Variants in TMC1 observed in about 807,000 individuals in gnomAD.
TMC1 encodes the protein transmembrane channel like 1.
Under a neutral mutation model 105.8 loss-of-function variants are expected in TMC1, and 84 were observed. The observed-to-expected ratio is 0.79, with a 90% confidence interval of 0.67 to 0.95. The LOEUF (loss-of-function observed/expected upper bound fraction) is 0.95. TMC1 is among the 40% of genes least tolerant of loss of function. The pLI, the probability that TMC1 is intolerant of heterozygous loss-of-function variation, is 0.00. For synonymous variants in TMC1, 315 were observed against 311.5 expected (o/e 1.01, Z -0.12); for missense variants, 817 against 914.1 (o/e 0.89, Z 1.37).
intron 5 of TMC1, among the ~76,000 whole-genome samples, chr9:72,686,358 T>C (rs963323115): frequency 1.3e-5 from 2 of 152,198 alleles, no homozygotes; most frequent in African/African-American, 4.8e-5. Context: ...ATCTCAGACA[T>C]TGTCTGAGAA....
At chr9:72,706,906 C>T (rs1485001499) in intron 8 of TMC1, among the ~76,000 whole-genome samples, 1 of 151,978 alleles carries the variant, frequency 6.6e-6, no homozygotes, top group African/African-American at 2.4e-5. Context: ...TCCTGAGTAG[C>T]TGGGATTACA....
intron 7 of TMC1, among the ~76,000 whole-genome samples, chr9:72,700,012 G>A (rs1290760909): frequency 6.7e-6 from 1 of 148,158 alleles, no homozygotes; most frequent in African/African-American, 2.5e-5. Context: ...CCAGCACTTT[G>A]GGAGGCCGAG....
chr9:72,528,184 T>G (rs1797648032), intron 1 of TMC1, among the ~76,000 whole-genome samples: 1 of 152,166 alleles, frequency 6.6e-6, no homozygotes, highest in African/African-American at 2.4e-5. Flanking sequence ...AGCTAGCTCC[T>G]TCCACCATGT....
intron 11 of TMC1, among the ~76,000 whole-genome samples, chr9:72,754,348 G>A (rs984418630): frequency 1.3e-5 from 2 of 152,128 alleles, no homozygotes; most frequent in Non-Finnish European, 2.9e-5. Context: ...ATTTCCTTGA[G>A]TTCTCTCTCT....
At chr9:72,759,431 C>T (rs1345727216) in intron 12 of TMC1, among the ~76,000 whole-genome samples, 1 of 152,234 alleles carries the variant, frequency 6.6e-6, no homozygotes, top group Admixed American at 6.5e-5. Flanking sequence ...AAACAGCTTA[C>T]TAACTGGCAC....
At chr9:72,748,263 A>G (rs888431345) in intron 10 of TMC1, among the ~76,000 whole-genome samples, 2 of 152,174 alleles carry the variant, frequency 1.3e-5, no homozygotes, top group African/African-American at 4.8e-5. Flanking sequence ...ATGGGAAAAC[A>G]ATAGTTCCCA....
At chr9:72,808,522 A>G (rs1044960290) in intron 18 of TMC1, among the ~76,000 whole-genome samples, 2 of 152,200 alleles carry the variant, frequency 1.3e-5, no homozygotes, top group African/African-American at 2.4e-5. Flanking sequence ...CTCATGGTCT[A>G]TCTCCCTCTG....
intron 5 of TMC1, among the ~76,000 whole-genome samples, chr9:72,654,644 G>C (rs1436294835): frequency 6.6e-6 from 1 of 151,818 alleles, no homozygotes; most frequent in Non-Finnish European, 1.5e-5. Context: ...TGTTGCTATT[G>C]TTTTCATGCA....
At chr9:72,725,894 G>A (rs1271073584) in intron 8 of TMC1, among the ~76,000 whole-genome samples, 2 of 152,006 alleles carry the variant, frequency 1.3e-5, no homozygotes, top group African/African-American at 2.4e-5. Context: ...GTTTCACTGT[G>A]TTAGCCAGGA....
chr9:72,528,589 C>A (rs1823446054), intron 1 of TMC1, among the ~76,000 whole-genome samples: 1 of 152,152 alleles, frequency 6.6e-6, no homozygotes, highest in African/African-American at 2.4e-5. Context: ...CCGCCTCGGC[C>A]TCCCAAAGTG....
At chr9:72,525,816 C>T (rs1041507746) in intron 1 of TMC1, among the ~76,000 whole-genome samples, 3 of 152,134 alleles carry the variant, frequency 2.0e-5, no homozygotes, top group Non-Finnish European at 2.9e-5. Flanking sequence ...GGCAAAACCC[C>T]GTCTCTACTA....
intron 2 of TMC1, among the ~76,000 whole-genome samples, chr9:72,606,414 G>T (rs1187815920): frequency 6.6e-6 from 1 of 152,104 alleles, no homozygotes; most frequent in Non-Finnish European, 1.5e-5. Context: ...ACATTCTGTT[G>T]GTCACACACA....
At position 72,791,908 on chromosome 9, in the gene TMC1, T is replaced by G. The variant is rs1210812299; in HGVS notation, c.1247T>G (p.Leu416Arg). Residue 416 changes from leucine (L) to arginine (R), a missense_variant, in exon 16 of 24, where the codon CTA becomes CGA. By Grantham distance (102) the Leu-to-Arg change is moderately radical. Coordinates refer to ENST00000297784, the MANE Select transcript of TMC1 (RefSeq NM_138691.3). Reference protein sequence around the residue: ...KNEMNMVMSLLGMFCPTLFDL... With the variant: ...KNEMNMVMSLRGMFCPTLFDL... Reference sequence around the variant, plus strand: ...TAGATGAACATGGTTATGTCCCTCCTAGGGATGTTCTGTCCAACATTGTTT... The same window carrying G: ...TAGATGAACATGGTTATGTCCCTCCGAGGGATGTTCTGTCCAACATTGTTT... 3.1e-6 allele frequency: 5 copies of G among 1,612,802 alleles called. No individual in the cohort carries two copies. The highest frequency in any genetic ancestry group is 1.7e-5 in the Admixed American group (1 of 60,004).
chr9:72,754,219 TC>T (rs947358489), intron 11 of TMC1, among the ~76,000 whole-genome samples: 10 of 152,050 alleles, frequency 6.6e-5, no homozygotes, highest in African/African-American at 2.4e-4. Flanking sequence ...CTACCGTTTT[TC>T]TCTTCCAATC....
intron 17 of TMC1, among the ~76,000 whole-genome samples, chr9:72,801,129 T>C (rs773811377): frequency 7.9e-5 from 12 of 152,184 alleles, no homozygotes; most frequent in Non-Finnish European, 1.8e-4. Context: ...AAAGCACTTA[T>C]TGTTTTGAAT....
chr9:72,551,493 A>G (rs1823859797), intron 1 of TMC1, among the ~76,000 whole-genome samples: 1 of 152,168 alleles, frequency 6.6e-6, no homozygotes, highest in East Asian at 1.9e-4. Context: ...CCCCCTGTTG[A>G]GTTGCCAGAA....
At chr9:72,552,994 A>T (rs985368622) in intron 1 of TMC1, among the ~76,000 whole-genome samples, 2 of 151,516 alleles carry the variant, frequency 1.3e-5, no homozygotes, top group Non-Finnish European at 2.9e-5. Flanking sequence ...TTTTTTTGAG[A>T]TGGAGTTTCC....
intron 6 of TMC1, among the ~76,000 whole-genome samples, chr9:72,693,427 G>T (rs917613623): frequency 2.0e-5 from 3 of 152,092 alleles, no homozygotes; most frequent in Admixed American, 6.6e-5. Flanking sequence ...TTTGAAAGGG[G>T]GCTTGTCTCT....
At chr9:72,552,695 T>C (rs1222959077) in intron 1 of TMC1, among the ~76,000 whole-genome samples, 1 of 152,184 alleles carries the variant, frequency 6.6e-6, no homozygotes, top group Admixed American at 6.5e-5. Flanking sequence ...GATAGTTACC[T>C]GGGATTACTT....
Sources: gnomAD v4.1 joint callset for allele counts (sites outside exome capture counted in the v4.1 genomes callset) on GRCh38, gnomAD v4.1.1 for gene constraint, MANE v1.5 for transcripts, NCBI Gene and HGNC (gene_info 2026-07-23, HGNC 2026-07-21) for gene names.